Variants in ARHGAP17 observed in about 807,000 individuals in gnomAD.
The protein encoded by ARHGAP17 is Rho GTPase activating protein 17.
Under a neutral mutation model 99.5 loss-of-function variants are expected in ARHGAP17, and 57 were observed. The observed-to-expected ratio is 0.57, with a 90% CI of 0.46 to 0.71. The LOEUF is 0.71. Among genes scored for constraint, ARHGAP17 ranks in the 30% least tolerant of loss-of-function variants. ARHGAP17 has a pLI of 0.00. For missense variants in ARHGAP17, 1,000 were observed against 1,122.4 expected, an observed-to-expected ratio of 0.89 and a Z score of 1.56; for synonymous variants, 417 against 429.6, an observed-to-expected ratio of 0.97 and a Z score of 0.36.
At position 24,952,936 on chromosome 16, in the gene ARHGAP17, A is replaced by G. The variant is rs1647861111; in HGVS notation, c.959T>C (p.Val320Ala). 2 of 1,613,822 alleles carry G rather than the reference A, an allele frequency of 1.2e-6. No individual in the cohort carries two copies. The highest frequency in any genetic ancestry group is 8.5e-7 in the Non-Finnish European group (1 of 1,179,864). Residue 320 changes from valine to alanine, a missense_variant, in exon 11 of 20, where the codon GTA becomes GCA. Val to Ala is a moderately conservative substitution (Grantham distance 64, BLOSUM62 0). This residue lies in a region of ARHGAP17 where 472 missense variants were observed against 611.1 expected (regional missense o/e 0.77). Coordinates refer to ENST00000289968, the MANE Select transcript of ARHGAP17 (RefSeq NM_001006634.3). ...LDEFYSDPHA[V>A]AGALKSYLRE... ...AGACACTCTTTGGCGCTCACCTGCT[A>G]CAGCATGGGGGTCTGAATAGAACTC...
intron 5 of ARHGAP17, 83 bp downstream of exon 5, chr16:24,968,578 A>T: frequency 6.5e-7 from 1 of 1,529,828 alleles, no homozygotes; most frequent in Non-Finnish European, 9.1e-7. Flanking sequence ...TGTTAAAGCC[A>T]GCAACTACTG....
chr16:24,920,266 C>T lies in ARHGAP17; in HGVS notation c.2516-6G>A, dbSNP rs764655745. 1 of 1,613,822 alleles carries T rather than the reference C, an allele frequency of 6.2e-7. No homozygotes were observed. Among genetic ancestry groups the T allele is most frequent in the Non-Finnish European group, 8.5e-7 (1 of 1,179,908 alleles). On this transcript the variant is annotated splice_region_variant and splice_polypyrimidine_tract_variant and intron_variant, in intron 19 of 19. Coordinates refer to ENST00000289968, the MANE Select transcript of ARHGAP17 (RefSeq NM_001006634.3). ...TGAAACCCTGGAATTGGAGTCTGGA[C>T]AAAAACACGAGGAGACATGGTATCA... is the stretch of plus-strand genomic sequence containing the variant.
intron 1 of ARHGAP17, among the ~76,000 whole-genome samples, chr16:24,980,258 C>G (rs575276190): frequency 4.9e-4 from 75 of 152,112 alleles, no homozygotes; most frequent in Non-Finnish European, 8.7e-4. Context: ...CACAGCTCCT[C>G]CAGTCTACAC....
In ARHGAP17 at chr16:24,968,717, G is replaced by T. The variant is rs750400460; in HGVS notation, c.328C>A (p.Gln110Lys). The part of the protein sequence containing the change: ...AENQLALELS[Q>K]HEVFVEKEIV... ...TCCTTCTCAACAAAGACTTCGTGCTGGGAGAGCTCGAGAGCCAGCTGATTC... is the reference window on the plus strand; with the variant it reads ...TCCTTCTCAACAAAGACTTCGTGCTTGGAGAGCTCGAGAGCCAGCTGATTC... The change falls in exon 5 of 20, where the codon CAG becomes AAG. Residue 110 changes from glutamine (Q) to lysine (K), a missense_variant. This residue lies in a region of ARHGAP17 where 472 missense variants were observed against 611.1 expected (regional missense o/e 0.77). Coordinates refer to ENST00000289968, the MANE Select transcript of ARHGAP17 (RefSeq NM_001006634.3). 9.3e-6 allele frequency: 15 copies of T among 1,614,184 alleles called. No individual in the cohort carries two copies. Among genetic ancestry groups the T allele is most frequent in the Non-Finnish European group, 1.2e-5 (14 of 1,180,050 alleles).
At position 24,920,224 on chromosome 16, in the gene ARHGAP17, A is replaced by C; in HGVS notation, c.2552T>G (p.Ile851Ser). Residue 851 changes from isoleucine (I) to serine (S), a missense_variant, in exon 20 of 20, where the codon ATC becomes AGC. Ile to Ser is a moderately radical substitution (Grantham distance 142, BLOSUM62 -2). Transcript: ENST00000289968. ...NSRVSEPHRS[I>S]FPEMHSDSAS... ...TGAGTCTGAGTGCATTTCAGGAAAG[A>C]TGCTGCGATGCGGTTCTGAAACCCT... 6.2e-7 allele frequency: 1 copy of C among 1,614,106 alleles called. No individual in the cohort carries two copies. Among genetic ancestry groups the C allele is most frequent in the Non-Finnish European group, 8.5e-7 (1 of 1,180,000 alleles).
At chr16:24,981,478 A>G (rs1332964155) in intron 1 of ARHGAP17, among the ~76,000 whole-genome samples, 1 of 152,206 alleles carries the variant, frequency 6.6e-6, no homozygotes, top group Non-Finnish European at 1.5e-5. Context: ...AGGGCCCTAA[A>G]CCCTCATTTA....
chr16:24,983,014 T>G (rs1158379994), intron 1 of ARHGAP17, among the ~76,000 whole-genome samples: 4 of 100,876 alleles, frequency 4.0e-5, no homozygotes, highest in Admixed American at 2.9e-4. Flanking sequence ...TTTTTTTTTT[T>G]TTTTTTTTGA....
chr16:24,926,968 A>T (rs1310845800), intron 19 of ARHGAP17, among the ~76,000 whole-genome samples: 1 of 152,160 alleles, frequency 6.6e-6, no homozygotes, highest in Non-Finnish European at 1.5e-5. Context: ...ATTTTCTTCT[A>T]GATAAAAATG....
At chr16:24,947,145 G>A (rs1408903468) in intron 14 of ARHGAP17, among the ~76,000 whole-genome samples, 2 of 152,174 alleles carry the variant, frequency 1.3e-5, no homozygotes, top group African/African-American at 2.4e-5. Flanking sequence ...CACCCTAAGA[G>A]GGTGGAAGTG....
intron 1 of ARHGAP17, 70 bp downstream of exon 1, chr16:25,015,139 T>TGGGGGGCC: frequency 1.7e-6 from 2 of 1,195,770 alleles, no homozygotes; most frequent in African/African-American, 1.7e-5. Flanking sequence ...GGAGGAGCCG[T>TGGGGGGCC]CCCGCCCCCG....
intron 1 of ARHGAP17, among the ~76,000 whole-genome samples, chr16:25,003,147 GT>G (rs1291709815): frequency 6.8e-6 from 1 of 148,104 alleles, no homozygotes; most frequent in Non-Finnish European, 1.5e-5. Flanking sequence ...GATATTCAAT[GT>G]ATAACAAAAT....
rs551029763 is a variant in ARHGAP17 at position 24,947,942 on chromosome 16, AACAGAC to A, written c.1128-353_1128-348del. On this transcript the variant is annotated intron_variant, in intron 13 of 19. Transcript: ENST00000289968. ...TGAGCTCAATATTTTTAAATACAAA[AACAGAC>A]ACAGTTATATTGCTTACAGGAAACT... Among the ~76,000 whole-genome samples the A allele has an allele frequency of 2.0e-3, 306 of 152,310 alleles. 1 individual carries two copies. Among genetic ancestry groups the A allele is most frequent in the Non-Finnish European group, 3.8e-3 (257 of 68,026 alleles).
chr16:24,920,475 G>T, intron 19 of ARHGAP17: 1 of 524,994 alleles, frequency 1.9e-6, no homozygotes, highest in Non-Finnish European at 3.4e-6. Flanking sequence ...TCTGGGCTCC[G>T]ACGTTGCTTG....
chr16:24,975,643 T>C (rs2052492457), intron 3 of ARHGAP17, among the ~76,000 whole-genome samples: 1 of 152,140 alleles, frequency 6.6e-6, no homozygotes, highest in Non-Finnish European at 1.5e-5. Context: ...TAAAAGTCTG[T>C]AGGAAACATA....
chr16:24,930,932 T>C lies in ARHGAP17; in HGVS notation c.2367A>G (p.Pro789=). The C allele has an allele frequency of 6.2e-7, 1 of 1,613,900 alleles. No homozygotes were observed. The change falls in exon 19 of 20, where the codon CCA becomes CCG. Residue 789 remains proline, a synonymous_variant. Coordinates refer to ENST00000289968, the MANE Select transcript of ARHGAP17 (RefSeq NM_001006634.3). ...LAGGNPETAQ[P]HAGTLPRPRP... is the part of the protein sequence containing the mutation. ...TCGGTCTCGGTAAGGTTCCAGCATG[T>C]GGCTGTGCAGTTTCAGGGTTACCCC... is the stretch of plus-strand genomic sequence containing the variant.
intron 1 of ARHGAP17, among the ~76,000 whole-genome samples, chr16:25,005,706 C>A (rs936216409): frequency 2.3e-5 from 3 of 132,850 alleles, no homozygotes; most frequent in Non-Finnish European, 5.2e-5. Context: ...ATGACACATA[C>A]AGAGAAAACT....
At chr16:24,982,997 T>TATATATATATATA (rs60104036) in intron 1 of ARHGAP17, among the ~76,000 whole-genome samples, 4 of 21,716 alleles carry the variant, frequency 1.8e-4, no homozygotes, top group Admixed American at 1.9e-3. Flanking sequence ...TATATATATA[T>TATATATATATATA]TTTTTTTTTT....
chr16:24,978,413 C>T (rs1471787556), intron 2 of ARHGAP17, among the ~76,000 whole-genome samples: 1 of 152,190 alleles, frequency 6.6e-6, no homozygotes, highest in Non-Finnish European at 1.5e-5. Flanking sequence ...AATGCTGGTT[C>T]TGCCCCGCTG....
intron 19 of ARHGAP17, among the ~76,000 whole-genome samples, chr16:24,925,332 T>C (rs756916927): frequency 5.3e-5 from 8 of 152,150 alleles, no homozygotes; most frequent in Non-Finnish European, 8.8e-5. Context: ...TGTGCCAAGA[T>C]TGCACCACTG....
Sources: allele counts gnomAD v4.1 joint callset (sites outside exome capture counted in the v4.1 genomes callset), GRCh38; gene constraint gnomAD v4.1.1; regional missense constraint gnomAD v4.1.1; transcripts MANE v1.5; gene names NCBI Gene and HGNC (gene_info 2026-07-23, HGNC 2026-07-21).